Variants in MME observed in about 807,000 individuals in gnomAD.
MME encodes membrane metalloendopeptidase, also known as neprilysin.
A neutral mutation model predicts 113.2 loss-of-function variants in MME; 98 were observed. The ratio of observed to expected loss-of-function variants is 0.87; its 90% CI spans 0.74 to 1.02. The LOEUF is 1.02. Ranked by LOEUF, MME falls within the 50% of genes least tolerant of loss-of-function variation. The probability of loss-of-function intolerance (pLI) is 0.00; values close to 1 mark genes in which losing one functional copy is unlikely to be tolerated. For synonymous variants in MME, 292 were observed against 300.6 expected, an observed-to-expected ratio of 0.97 and a Z score of 0.30; for missense variants, 836 against 896.0, an observed-to-expected ratio of 0.93 and a Z score of 0.86.
chr3:155,118,456 C>T (rs1399353948), intron 7 of MME, among the ~76,000 whole-genome samples: 2 of 152,178 alleles, frequency 1.3e-5, no homozygotes, highest in Non-Finnish European at 2.9e-5. Context: ...TTCACTTGCA[C>T]CTTCTGCTCT....
chr3:155,072,357 G>A (rs946569361), intron 1 of MME, among the ~76,000 whole-genome samples: 1 of 152,106 alleles, frequency 6.6e-6, no homozygotes, highest in East Asian at 1.9e-4. Flanking sequence ...TCCATCACAT[G>A]CAAATCTACT....
At chr3:155,100,512 A>C (rs1328723396) in intron 3 of MME, among the ~76,000 whole-genome samples, 1 of 152,154 alleles carries the variant, frequency 6.6e-6, no homozygotes, top group East Asian at 1.9e-4. Flanking sequence ...CAGAGAAATA[A>C]TTTTAATAAT....
chr3:155,161,495 T>C (rs1157646623), intron 17 of MME, among the ~76,000 whole-genome samples: 1 of 152,098 alleles, frequency 6.6e-6, no homozygotes, highest in East Asian at 1.9e-4. Flanking sequence ...AAGATATTTA[T>C]CATTGGCTAA....
At chr3:155,089,558 C>A (rs1479129215) in intron 3 of MME, among the ~76,000 whole-genome samples, 4 of 152,224 alleles carry the variant, frequency 2.6e-5, no homozygotes, top group Admixed American at 2.6e-4. Flanking sequence ...ATGTCCCCTG[C>A]AGGCAGCACG....
chr3:155,026,553 G>A (rs1305175307), intron 1 of MME, among the ~76,000 whole-genome samples: 4 of 152,058 alleles, frequency 2.6e-5, no homozygotes, highest in East Asian at 1.9e-4. Flanking sequence ...GTGAAATCCC[G>A]TCTCTACTAA....
In MME at chr3:155,182,880, A is replaced by T. The variant is rs201427073; in HGVS notation, c.*2421A>T. On this transcript the variant is annotated 3_prime_UTR_variant, in exon 23 of 23. Coordinates refer to ENST00000360490, the MANE Select transcript of MME (RefSeq NM_007289.4). ...CACATCCAGACATCATGAATTTTAC[A>T]TGGTACTCTTGTTGAGTTCTGTAGA... The T allele has an allele frequency of 3.9e-5, 6 of 152,250 alleles. No individual in the cohort carries two copies. The highest frequency in any genetic ancestry group is 7.3e-5 in the Non-Finnish European group (5 of 68,066). 9.4% of individuals were successfully genotyped at this position (152,250 alleles called of 1,614,324 possible).
chr3:155,036,020 G>A (rs894884772), intron 1 of MME, among the ~76,000 whole-genome samples: 3 of 152,084 alleles, frequency 2.0e-5, no homozygotes, highest in Non-Finnish European at 2.9e-5. Context: ...TTGTGGTGGA[G>A]GTGATGAGAA....
At chr3:155,044,877 T>A (rs532988694) in intron 1 of MME, among the ~76,000 whole-genome samples, 8 of 152,312 alleles carry the variant, frequency 5.3e-5, no homozygotes, top group African/African-American at 1.9e-4. Flanking sequence ...CACTTAATGC[T>A]ATTTACAAAT....
intron 1 of MME, among the ~76,000 whole-genome samples, chr3:155,037,033 A>T (rs760778058): frequency 6.6e-6 from 1 of 152,208 alleles, no homozygotes; most frequent in East Asian, 1.9e-4. Context: ...TCCTTTGACC[A>T]TAGATGTCAA....
intron 22 of MME, 104 bp from the exon 23 acceptor site, chr3:155,180,256 C>T: frequency 2.3e-6 from 2 of 859,534 alleles, no homozygotes; most frequent in South Asian, 2.7e-5. Flanking sequence ...CTTTAAATTC[C>T]AAATTCATTC....
chr3:155,169,917 G>A (rs1230834982), intron 20 of MME, among the ~76,000 whole-genome samples: 1 of 152,168 alleles, frequency 6.6e-6, no homozygotes, highest in East Asian at 1.9e-4. Context: ...TGATCAGAGT[G>A]TGAAGCTTGG....
rs115159640 is a variant in MME, at chr3:155,092,791, A to G, written c.196+7697A>G. On this transcript the variant is annotated intron_variant, in intron 3 of 22. Transcript: ENST00000360490. ...AAAATTCAATTTATATGAAATTTCTATAAGAAGCAAAACTATAGGGGCAGA... is the reference window on the plus strand; with the variant it reads ...AAAATTCAATTTATATGAAATTTCTGTAAGAAGCAAAACTATAGGGGCAGA... Among the ~76,000 whole-genome samples the G allele has an allele frequency of 6.3e-3, 958 of 152,318 alleles. 6 individuals are homozygous for G. Among genetic ancestry groups the G allele is most frequent in the African/African-American group, 0.022 (907 of 41,572 alleles).
chr3:155,098,936 CA>C (rs1716976687), intron 3 of MME, among the ~76,000 whole-genome samples: 1 of 151,962 alleles, frequency 6.6e-6, no homozygotes, highest in African/African-American at 2.4e-5. Flanking sequence ...CTTAAACAAG[CA>C]GAGATGAATG....
intron 8 of MME, 34 bp from the exon 9 acceptor site, chr3:155,138,068 A>T: frequency 4.3e-6 from 7 of 1,611,270 alleles, no homozygotes; most frequent in Non-Finnish European, 5.1e-6. Context: ...ATTTAGAGCT[A>T]CTCCAACAGT....
chr3:155,058,671 C>T (rs1714023242), intron 1 of MME, among the ~76,000 whole-genome samples: 2 of 151,984 alleles, frequency 1.3e-5, no homozygotes, highest in South Asian at 2.1e-4. Flanking sequence ...TTGAGAAAAC[C>T]ATAAACTGAC....
intron 8 of MME, among the ~76,000 whole-genome samples, chr3:155,123,859 CTTCAT>C (rs954149820): frequency 5.0e-5 from 4 of 80,070 alleles, no homozygotes; most frequent in African/African-American, 1.8e-4. Context: ...ACATTTTTTC[CTTCAT>C]TTCAACTTTG....
chr3:155,157,278 T>C (rs1476038216), intron 16 of MME, among the ~76,000 whole-genome samples: 1 of 152,152 alleles, frequency 6.6e-6, no homozygotes, highest in Non-Finnish European at 1.5e-5. Flanking sequence ...CCCACATTTG[T>C]ATGCATACAG....
chr3:155,148,733 C>A (rs3732886), intron 16 of MME, 80 bp downstream of exon 16: 25,262 of 1,046,980 alleles, frequency 0.024, 691 homozygotes, highest in East Asian at 0.12. Context: ...AGTGAAAGAG[C>A]CTCAGTTAGA....
intron 1 of MME, among the ~76,000 whole-genome samples, chr3:155,082,432 C>T (rs185720217): frequency 6.6e-6 from 1 of 152,162 alleles, no homozygotes; most frequent in African/African-American, 2.4e-5. Flanking sequence ...TTGTTTACCT[C>T]TCTGTAAAGT....
Sources: gnomAD v4.1 joint callset for allele counts (sites outside exome capture counted in the v4.1 genomes callset) on GRCh38, gnomAD v4.1.1 for gene constraint, MANE v1.5 for transcripts, NCBI Gene and HGNC (gene_info 2026-07-23, HGNC 2026-07-21) for gene names.